NME6: variants seen among roughly 807,000 people sequenced by gnomAD.
NME6 encodes NME/NM23 nucleoside diphosphate kinase 6.
NME6 carries 16 observed loss-of-function variants against 22.2 expected under a neutral mutation model. The ratio of observed to expected loss-of-function variants is 0.72; its 90% CI spans 0.49 to 1.09. NME6 has a LOEUF of 1.09. Ranked by LOEUF, NME6 falls within the 50% of genes least tolerant of loss-of-function variation. The probability of loss-of-function intolerance (pLI) is 0.00; values close to 1 mark genes in which losing one functional copy is unlikely to be tolerated. For synonymous variants in NME6, 58 were observed against 85.2 expected, an observed-to-expected ratio of 0.68 and a Z score of 1.76; for missense variants, 229 against 239.0, an observed-to-expected ratio of 0.96 and a Z score of 0.28.
downstream of NME6, chr3:48,291,912 G>C (rs1285160935): frequency 6.6e-6 from 1 of 152,306 alleles, no homozygotes; most frequent in African/African-American, 2.4e-5. Context: ...GACTACAGGT[G>C]CGTGCCACCA....
chr3:48,288,147 G>A (rs554254317), downstream of NME6, among the ~76,000 whole-genome samples: 15 of 152,136 alleles, frequency 9.9e-5, no homozygotes, highest in Admixed American at 5.2e-4. Context: ...TTGAGAGGCC[G>A]AGATGGGTGA....
Position 48,295,104 on chromosome 3 carries a change from G to C in NME6, c.365C>G (p.Thr122Ser), listed in dbSNP as rs368964694. The C allele has an allele frequency of 5.6e-6, 9 of 1,614,164 alleles. No individual in the cohort carries two copies. Among genetic ancestry groups the C allele is most frequent in the Non-Finnish European group, 7.6e-6 (9 of 1,180,028 alleles). The change falls in exon 5 of 6, where the codon ACT (threonine) becomes AGT (serine). Residue 122 changes from threonine (T) to serine (S), a missense_variant. Coordinates refer to ENST00000442597, the MANE Select transcript of NME6 (RefSeq NM_001308426.2). ...PDSIRGSFGL[T>S]DTRNTTHGSD... ...ACCATGGGTGGTGTTGCGGGTGTCA[G>C]TGAGGCCGAAACTCCCACGGATAGA...
chr3:48,297,003 G>A (rs1177195169), intron 2 of NME6, among the ~76,000 whole-genome samples, 174 bp from the exon 3 acceptor site: 1 of 152,044 alleles, frequency 6.6e-6, no homozygotes, highest in Admixed American at 6.6e-5. Context: ...GTGCACCTTG[G>A]GTGAAAGGGG....
In NME6 at chr3:48,295,086, G is replaced by C; in HGVS notation, c.383C>G (p.Thr128Ser). The stretch of plus-strand genomic sequence containing the variant: ...GACAGGGGACTCACCCGAACCATGG[G>C]TGGTGTTGCGGGTGTCAGTGAGGCC... The part of the protein sequence containing the change: ...SFGLTDTRNT[T>S]HGSDSVVSAS... The change falls in exon 5 of 6, where the codon ACC (threonine) becomes AGC (serine). Residue 128 changes from threonine to serine, a missense_variant. Coordinates refer to ENST00000442597, the MANE Select transcript of NME6 (RefSeq NM_001308426.2). 6.2e-7 allele frequency: 1 copy of C among 1,614,040 alleles called. No homozygotes were observed. The highest frequency in any genetic ancestry group is 1.1e-5 in the South Asian group (1 of 91,072).
downstream of NME6, among the ~76,000 whole-genome samples, chr3:48,289,462 TC>T: frequency 6.6e-6 from 1 of 152,218 alleles, no homozygotes; most frequent in South Asian, 2.1e-4. Context: ...AGGCTTGAGA[TC>T]CAGTAAGAGA....
At position 48,301,347 on chromosome 3, in the gene NME6, G is replaced by A. The variant is rs897635202; in HGVS notation, c.-8+6C>T. The A allele has an allele frequency of 1.3e-6, 2 of 1,568,382 alleles. No individual in the cohort carries two copies. The highest frequency in any genetic ancestry group is 1.7e-6 in the Non-Finnish European group (2 of 1,156,652). ...CAGTGCAGCAGAAGTCCGGCTGCGG[G>A]TTCACCTTGTCCTCCGGCACAGGGC... On this transcript the variant is annotated splice_donor_region_variant and intron_variant, in intron 1 of 5. Coordinates refer to ENST00000442597, the MANE Select transcript of NME6 (RefSeq NM_001308426.2).
intron 1 of NME6, 145 bp from the exon 2 acceptor site, chr3:48,298,668 T>TA (rs2035384106): frequency 1.6e-6 from 1 of 624,536 alleles, no homozygotes; most frequent in Non-Finnish European, 2.8e-6. Context: ...TAAGGCCATA[T>TA]ACATTATTTT....
Position 48,295,516 on chromosome 3 carries a change from C to T in NME6, c.234-281G>A, listed in dbSNP as rs543302488. 1.6e-4 allele frequency: 65 copies of T among 403,144 alleles called. 1 individual carries two copies. In the South Asian group the frequency reaches 3.6e-3, roughly 22 times the overall value. 25.0% of individuals were successfully genotyped at this position (403,144 alleles called of 1,614,324 possible). A position where few individuals can be genotyped will look rare whatever the true frequency, so the allele number is the denominator to read the frequency against. On this transcript the variant is annotated intron_variant, in intron 4 of 5. Coordinates refer to ENST00000442597, the MANE Select transcript of NME6 (RefSeq NM_001308426.2). ...GCATCGGCTCAGTGACAGCCCCAAACCCGTGTTTCTTCAGATTTGACATTG... is the reference window on the plus strand; with the variant it reads ...GCATCGGCTCAGTGACAGCCCCAAATCCGTGTTTCTTCAGATTTGACATTG...
chr3:48,298,400 C>A (rs145217729), intron 2 of NME6, 27 bp downstream of exon 2: 4 of 1,588,638 alleles, frequency 2.5e-6, no homozygotes, highest in Non-Finnish European at 3.5e-6. Context: ...CCAGGGCATG[C>A]GGTAGAGACT....
downstream of NME6, chr3:48,288,690 C>CT (rs971120798): frequency 6.8e-6 from 1 of 146,924 alleles, no homozygotes; most frequent in African/African-American, 2.7e-5. Context: ...CTTGACCAGT[C>CT]TTTAAAAAAA....
downstream of NME6, among the ~76,000 whole-genome samples, chr3:48,288,047 A>C (rs796421675): frequency 7.2e-5 from 11 of 152,262 alleles, no homozygotes; most frequent in East Asian, 1.9e-3. Context: ...AGAAGGGACT[A>C]TGACTTCAGA....
intron 2 of NME6, chr3:48,297,636 C>T (rs936178644): frequency 9.8e-5 from 15 of 152,298 alleles, no homozygotes; most frequent in South Asian, 2.1e-4. Flanking sequence ...TACATAACAA[C>T]AGGGATTTTG....
chr3:48,294,980 G>A (rs942882835), intron 5 of NME6, 95 bp downstream of exon 5: 1 of 1,489,296 alleles, frequency 6.7e-7, no homozygotes, highest in East Asian at 2.3e-5. Context: ...AACACAAATG[G>A]AAGAAAGCTC....
At chr3:48,294,943 T>C in intron 5 of NME6, 132 bp downstream of exon 5, 11 of 1,405,066 alleles carry the variant, frequency 7.8e-6, no homozygotes, top group Non-Finnish European at 1.1e-5. Flanking sequence ...ACAGGCCACA[T>C]CTGCCAACAT....
chr3:48,296,516 A>G (rs539039380), intron 3 of NME6, among the ~76,000 whole-genome samples: 1 of 152,348 alleles, frequency 6.6e-6, no homozygotes, highest in African/African-American at 2.4e-5. Flanking sequence ...ACATAAAACT[A>G]AGTTTCTGGT....
chr3:48,291,296 T>C, downstream of NME6: 1 of 442,080 alleles, frequency 2.3e-6, no homozygotes, highest in African/African-American at 2.1e-5. Flanking sequence ...GTCTTTATCA[T>C]TTTCTTTAAG....
chr3:48,290,417 T>G (rs1409409176), downstream of NME6, among the ~76,000 whole-genome samples: 1 of 152,190 alleles, frequency 6.6e-6, no homozygotes. Flanking sequence ...GTAGAATAAT[T>G]AAATCGAGCT....
At position 48,295,389 on chromosome 3, in the gene NME6, G is replaced by A. The variant is rs1575319142; in HGVS notation, c.234-154C>T. The stretch of plus-strand genomic sequence containing the variant: ...TGCTGCTTCAAATAGGTGATGCAGG[G>A]CCCCTGCTGGTGTACATCAAGCCTG... On this transcript the variant is annotated intron_variant, in intron 4 of 5. Coordinates refer to ENST00000442597, the MANE Select transcript of NME6 (RefSeq NM_001308426.2). 5.0e-6 allele frequency: 4 copies of A among 802,484 alleles called. No individual in the cohort carries two copies. In the South Asian group the frequency reaches 7.5e-5, roughly 15 times the overall value. The allele number at this position is 802,484 out of a possible 1,614,324, so 49.7% of individuals were successfully genotyped here. A position where few individuals can be genotyped will look rare whatever the true frequency, so the allele number is the denominator to read the frequency against.
At position 48,301,366 on chromosome 3, in the gene NME6, A is replaced by G. The variant is rs1023625441; in HGVS notation, c.-21T>C. 2 of 1,556,912 alleles carry G rather than the reference A, an allele frequency of 1.3e-6. No homozygotes were observed. Among genetic ancestry groups the G allele is most frequent in the African/African-American group, 1.4e-5 (1 of 73,486 alleles). ...CTGCGGGTTCACCTTGTCCTCCGGC[A>G]CAGGGCCCGGCCACCAGGCGCCACG... On this transcript the variant is annotated 5_prime_UTR_variant, in exon 1 of 6. Coordinates refer to ENST00000442597, the MANE Select transcript of NME6 (RefSeq NM_001308426.2).
Sources: allele counts gnomAD v4.1 joint callset (sites outside exome capture counted in the v4.1 genomes callset), GRCh38; gene constraint gnomAD v4.1.1; transcripts MANE v1.5; gene names NCBI Gene and HGNC (gene_info 2026-07-23, HGNC 2026-07-21).